PARP16: variants seen among roughly 807,000 people sequenced by gnomAD.
The protein encoded by PARP16 is poly(ADP-ribose) polymerase family member 16.
PARP16 carries 31 observed loss-of-function variants against 35.0 expected under a neutral mutation model. That is an observed-to-expected ratio of 0.88 (90% CI 0.66 to 1.19). PARP16 has a LOEUF of 1.19. Ranked by LOEUF, PARP16 falls within the 50% of genes most tolerant of loss-of-function variation. The pLI, the probability that PARP16 is intolerant of heterozygous loss-of-function variation, is 0.00. For synonymous variants in PARP16, 162 were observed against 169.5 expected (o/e 0.96, Z 0.34); for missense variants, 424 against 411.2 (o/e 1.03, Z -0.27).
At chr15:65,237,863 G>C (rs749230013) in intron 3 of PARP16, among the ~76,000 whole-genome samples, 47 of 152,190 alleles carry the variant, frequency 3.1e-4, no homozygotes, top group Non-Finnish European at 6.5e-4. Context: ...TTCCTGATGA[G>C]CTGTACAGGC....
chr15:65,259,408 T>C lies in PARP16; in HGVS notation c.968A>G (p.Ter323=). The change falls in exon 6 of 6, where the codon TAA becomes TGA. Residue 323 remains the stop codon, a stop_retained_variant. Transcript: ENST00000649807. ...FQHFWNRAKR[*] ...GCCCCCACACCAGGCCCAGAAAGAT[T>C]ATCTTTTCGCACGATTCCAAAAGTG... 2 of 1,614,078 alleles carry C rather than the reference T, an allele frequency of 1.2e-6. No homozygotes were observed. Among genetic ancestry groups the C allele is most frequent in the South Asian group, 2.2e-5 (2 of 91,072 alleles).
downstream of PARP16, among the ~76,000 whole-genome samples, chr15:65,232,075 C>G (rs1251023623): frequency 6.6e-6 from 1 of 152,142 alleles, no homozygotes; most frequent in Non-Finnish European, 1.5e-5. Context: ...CGTCACCTAC[C>G]TCCTAAAGCA....
chr15:65,251,032 C>CA (rs2089346218), intron 2 of PARP16, among the ~76,000 whole-genome samples: 1 of 152,050 alleles, frequency 6.6e-6, no homozygotes, highest in Admixed American at 6.6e-5. Flanking sequence ...TACAGGCGTG[C>CA]ACCACCATGC....
chr15:65,245,033 C>T (rs554096769), intron 3 of PARP16, among the ~76,000 whole-genome samples: 22 of 152,360 alleles, frequency 1.4e-4, no homozygotes, highest in African/African-American at 5.3e-4. Context: ...TAGAGTCTTA[C>T]TGCTCCCCAT....
intron 3 of PARP16, among the ~76,000 whole-genome samples, chr15:65,264,993 C>T (rs2089843128): frequency 6.6e-6 from 1 of 152,206 alleles, no homozygotes; most frequent in South Asian, 2.1e-4. Flanking sequence ...AAGGGGAAGC[C>T]CCCTGAATTC....
At chr15:65,246,549 C>T (rs1215477985) in intron 3 of PARP16, among the ~76,000 whole-genome samples, 1 of 152,242 alleles carries the variant, frequency 6.6e-6, no homozygotes, top group Non-Finnish European at 1.5e-5. Context: ...TGTCAGGGAG[C>T]TTGAAGACTT....
downstream of PARP16, among the ~76,000 whole-genome samples, chr15:65,254,432 T>G (rs1484336709): frequency 6.6e-6 from 1 of 152,098 alleles, no homozygotes; most frequent in Non-Finnish European, 1.5e-5. Flanking sequence ...GTCTCCATGG[T>G]GCACAGCCCC....
intron 1 of PARP16, among the ~76,000 whole-genome samples, chr15:65,273,053 G>A (rs769935010): frequency 1.3e-5 from 2 of 151,872 alleles, no homozygotes; most frequent in Non-Finnish European, 2.9e-5. Flanking sequence ...GCTGAGGGGG[G>A]CGGGTCACGA....
At chr15:65,259,790 C>G (rs922452010) in intron 5 of PARP16, among the ~76,000 whole-genome samples, 3 of 152,238 alleles carry the variant, frequency 2.0e-5, no homozygotes, top group African/African-American at 7.2e-5. Flanking sequence ...TCCTGATCTT[C>G]CCTTTTGTAG....
intron 3 of PARP16, among the ~76,000 whole-genome samples, chr15:65,244,606 C>T (rs1331782271): frequency 6.6e-6 from 1 of 152,198 alleles, no homozygotes; most frequent in East Asian, 1.9e-4. Flanking sequence ...ATGGGAATTA[C>T]AATTCAAGAT....
intron 3 of PARP16, among the ~76,000 whole-genome samples, chr15:65,239,424 T>TAAAAAAAAAAAAAAAA (rs758350761): frequency 2.9e-4 from 2 of 6,960 alleles, no homozygotes; most frequent in Non-Finnish European, 4.4e-4. Flanking sequence ...AGACTTTGCC[T>TAAAAAAAAAAAAAAAA]AAAAAAAAAA....
downstream of PARP16, among the ~76,000 whole-genome samples, chr15:65,253,941 CTGAG>C (rs900383187): frequency 2.6e-5 from 4 of 152,138 alleles, no homozygotes; most frequent in African/African-American, 9.7e-5. Context: ...CCTCAGCCTC[CTGAG>C]TAGCTGGGAC....
rs144844112 is a variant in PARP16, at chr15:65,262,793, G to A, written c.691+356C>T. ...TCATTCCTACCTTCAAGGAGCCCAC[G>A]CACTGGCTTCATCACTCACTTTTTA... On this transcript the variant is annotated intron_variant, in intron 4 of 5. Coordinates refer to ENST00000649807, the MANE Select transcript of PARP16 (RefSeq NM_001316943.2). Among the ~76,000 whole-genome samples, 165 of 152,258 alleles carry A rather than the reference G, an allele frequency of 1.1e-3. 2 individuals are homozygous for A. The highest frequency in any genetic ancestry group is 8.9e-3 in the East Asian group (46 of 5,184).
intron 1 of PARP16, chr15:65,285,436 G>A: frequency 3.4e-6 from 1 of 295,316 alleles, no homozygotes; most frequent in Admixed American, 3.6e-5. Context: ...ACCGAGCCTG[G>A]CCCCTCCAAG....
chr15:65,284,327 T>G (rs2090510896), intron 1 of PARP16, among the ~76,000 whole-genome samples: 1 of 149,196 alleles, frequency 6.7e-6, no homozygotes, highest in Admixed American at 6.9e-5. Context: ...GGCCTATAAT[T>G]TTCTTTCCTC....
chr15:65,236,976 A>AAAAAAAAAAAG (rs372274568), intron 3 of PARP16, among the ~76,000 whole-genome samples: 2 of 151,794 alleles, frequency 1.3e-5, no homozygotes, highest in East Asian at 3.8e-4. Flanking sequence ...TGTCTCAAAA[A>AAAAAAAAAAAG]AAAAAAAAAA....
intron 4 of PARP16, among the ~76,000 whole-genome samples, chr15:65,261,587 C>G (rs940819688): frequency 6.6e-6 from 1 of 151,794 alleles, no homozygotes; most frequent in African/African-American, 2.4e-5. Flanking sequence ...TCCCAAGTAG[C>G]TGGGATTACA....
chr15:65,260,481 G>C (rs2089672822), intron 5 of PARP16, among the ~76,000 whole-genome samples: 3 of 152,210 alleles, frequency 2.0e-5, no homozygotes, highest in African/African-American at 7.2e-5. Flanking sequence ...TGGTTCAGCA[G>C]CCACTGTGGG....
intron 2 of PARP16, among the ~76,000 whole-genome samples, chr15:65,251,073 G>A (rs937397662): frequency 6.6e-6 from 1 of 152,094 alleles, no homozygotes; most frequent in African/African-American, 2.4e-5. Flanking sequence ...TAGTAGAGAC[G>A]GGGTTTCACC....
Sources: gnomAD v4.1 joint callset for allele counts (sites outside exome capture counted in the v4.1 genomes callset) on GRCh38, gnomAD v4.1.1 for gene constraint, MANE v1.5 for transcripts, NCBI Gene and HGNC (gene_info 2026-07-23, HGNC 2026-07-21) for gene names.